MTSS1: variants seen among roughly 807,000 people sequenced by gnomAD.
The protein encoded by MTSS1 is protein MTSS 1.
Under a neutral mutation model 79.0 loss-of-function variants are expected in MTSS1, and 18 were observed. That is an observed-to-expected ratio of 0.23 (90% confidence interval 0.16 to 0.34). The LOEUF is 0.34. Ranked by LOEUF, MTSS1 falls within the 10% of genes least tolerant of loss-of-function variation. The pLI is 1.00. For missense variants in MTSS1, 815 were observed against 986.2 expected, an observed-to-expected ratio of 0.83 and a Z score of 2.33; for synonymous variants, 341 against 368.6, an observed-to-expected ratio of 0.93 and a Z score of 0.86.
chr8:124,593,860 T>C (rs1832287700), intron 3 of MTSS1, among the ~76,000 whole-genome samples: 1 of 152,158 alleles, frequency 6.6e-6, no homozygotes. Context: ...CAAAGGGAGA[T>C]GGGACAGAGC....
chr8:124,671,451 C>T (rs1430614645), intron 3 of MTSS1, among the ~76,000 whole-genome samples: 1 of 152,188 alleles, frequency 6.6e-6, no homozygotes. Flanking sequence ...TCACGACTTT[C>T]TCACGAAGCC....
intron 3 of MTSS1, among the ~76,000 whole-genome samples, chr8:124,668,772 C>T (rs901436856): frequency 3.3e-5 from 5 of 152,166 alleles, no homozygotes; most frequent in Admixed American, 6.5e-5. Flanking sequence ...TTAGCTATAT[C>T]GACAGGATCT....
chr8:124,696,581 G>A (rs565475013), intron 3 of MTSS1, among the ~76,000 whole-genome samples: 35 of 152,202 alleles, frequency 2.3e-4, no homozygotes, highest in Non-Finnish European at 4.4e-4. Flanking sequence ...AGCCAGATGC[G>A]GTGGCTCCCG....
intron 3 of MTSS1, among the ~76,000 whole-genome samples, chr8:124,682,419 C>T (rs1826264960): frequency 1.3e-5 from 2 of 152,220 alleles, no homozygotes; most frequent in Admixed American, 1.3e-4. Context: ...TTCCTCTTCA[C>T]CTCGGGCAAA....
intron 1 of MTSS1, among the ~76,000 whole-genome samples, chr8:124,718,608 G>T (rs1318347411): frequency 6.6e-6 from 1 of 152,190 alleles, no homozygotes; most frequent in African/African-American, 2.4e-5. Flanking sequence ...CTTAATGGCT[G>T]CGTGCTCGGC....
chr8:124,677,104 G>T (rs531775707), intron 3 of MTSS1, among the ~76,000 whole-genome samples: 1 of 152,098 alleles, frequency 6.6e-6, no homozygotes, highest in Non-Finnish European at 1.5e-5. Context: ...TGGTCTCCAC[G>T]ATCACCAATT....
intron 13 of MTSS1, among the ~76,000 whole-genome samples, chr8:124,555,167 CAT>C (rs1371405351): frequency 2.6e-5 from 4 of 152,224 alleles, no homozygotes; most frequent in Non-Finnish European, 2.9e-5. Flanking sequence ...TATTACAGCA[CAT>C]GTCTCCATTC....
intron 3 of MTSS1, among the ~76,000 whole-genome samples, chr8:124,687,831 A>G (rs1359055091): frequency 6.6e-6 from 1 of 152,248 alleles, no homozygotes; most frequent in East Asian, 1.9e-4. Context: ...AATCAGATTA[A>G]AAGGGCGCGT....
intron 3 of MTSS1, among the ~76,000 whole-genome samples, chr8:124,658,772 C>G (rs796974758): frequency 1.4e-4 from 21 of 152,270 alleles, no homozygotes; most frequent in African/African-American, 5.1e-4. Flanking sequence ...GGAAATCCAC[C>G]CCCACAGTCC....
intron 3 of MTSS1, among the ~76,000 whole-genome samples, chr8:124,599,790 A>G (rs1423728813): frequency 1.3e-5 from 2 of 151,852 alleles, no homozygotes; most frequent in Admixed American, 1.3e-4. Context: ...TGGCAGGCAC[A>G]CTCCACGCAG....
chr8:124,556,656 G>T (rs925099545), intron 11 of MTSS1: 1 of 517,082 alleles, frequency 1.9e-6, no homozygotes, highest in Non-Finnish European at 3.4e-6. Flanking sequence ...CACCCACCAG[G>T]TGGCAGCAGG....
intron 2 of MTSS1, among the ~76,000 whole-genome samples, chr8:124,703,296 TA>T (rs1829957902): frequency 6.6e-6 from 1 of 152,168 alleles, no homozygotes. Flanking sequence ...ATTTTATTAT[TA>T]TTATTTTCTT....
rs758778397 is a variant in MTSS1, at chr8:124,727,267, G to T, written c.72+617C>A. 5.3e-5 allele frequency among the ~76,000 whole-genome samples: 8 copies of T among 152,224 alleles called. No homozygotes were observed. The highest frequency in any genetic ancestry group is 1.2e-4 in the Non-Finnish European group (8 of 68,036). On this transcript the variant is annotated intron_variant, in intron 1 of 13. Coordinates refer to ENST00000518547, the MANE Select transcript of MTSS1 (RefSeq NM_014751.6). The surrounding 1 kb of genome is among the most constrained non-coding windows in gnomAD (Gnocchi z 4.7). ...AGGCGGGGCCCCTGCAAGGCTGCCC[G>T]GGAACTTCGGCCCCGCGCCCCGCGG...
At chr8:124,605,172 T>C (rs987011090) in intron 3 of MTSS1, among the ~76,000 whole-genome samples, 1 of 152,178 alleles carries the variant, frequency 6.6e-6, no homozygotes, top group African/African-American at 2.4e-5. Context: ...TCTGCCACCA[T>C]GAACCCCCCA....
chr8:124,675,039 C>A, intron 3 of MTSS1, among the ~76,000 whole-genome samples: 1 of 152,190 alleles, frequency 6.6e-6, no homozygotes, highest in South Asian at 2.1e-4. Flanking sequence ...CATTCTTGCT[C>A]TTTCTGTTTT....
At chr8:124,637,806 T>A (rs1479956373) in intron 3 of MTSS1, among the ~76,000 whole-genome samples, 1 of 152,266 alleles carries the variant, frequency 6.6e-6, no homozygotes, top group Non-Finnish European at 1.5e-5. Context: ...ATATTTTGGA[T>A]GTATACACTT....
At chr8:124,698,659 G>C (rs567470244) in intron 3 of MTSS1, among the ~76,000 whole-genome samples, 3 of 151,912 alleles carry the variant, frequency 2.0e-5, no homozygotes, top group Admixed American at 1.3e-4. Flanking sequence ...TTACAGGCAC[G>C]TGCCACCACG....
intron 3 of MTSS1, among the ~76,000 whole-genome samples, chr8:124,596,080 G>A (rs1563822247): frequency 6.6e-6 from 1 of 152,256 alleles, no homozygotes; most frequent in Non-Finnish European, 1.5e-5. Flanking sequence ...TGACACTGCT[G>A]TGGACAGAAG....
At chr8:124,720,423 A>G (rs1198891258) in intron 1 of MTSS1, among the ~76,000 whole-genome samples, 1 of 152,214 alleles carries the variant, frequency 6.6e-6, no homozygotes, top group Non-Finnish European at 1.5e-5. Context: ...GTTGCCCCAG[A>G]AAAAGGAGGA....
Sources: allele counts gnomAD v4.1 joint callset (sites outside exome capture counted in the v4.1 genomes callset), GRCh38; gene constraint gnomAD v4.1.1; non-coding constraint Gnocchi (gnomAD v3.1); transcripts MANE v1.5; gene names NCBI Gene and HGNC (gene_info 2026-07-23, HGNC 2026-07-21).